Variants in ABLIM3 observed in about 807,000 individuals in gnomAD.
ABLIM3 encodes the protein actin-binding LIM protein 3.
Under a neutral mutation model 109.5 loss-of-function variants are expected in ABLIM3, and 61 were observed. That is an observed-to-expected ratio of 0.56 (90% CI 0.45 to 0.69). The LOEUF is 0.69. Ranked by LOEUF, ABLIM3 falls within the 30% of genes least tolerant of loss-of-function variation. The pLI is 0.00. For synonymous variants in ABLIM3, 300 were observed against 324.8 expected, an observed-to-expected ratio of 0.92 and a Z score of 0.82; for missense variants, 796 against 889.5, an observed-to-expected ratio of 0.89 and a Z score of 1.34.
intron 8 of ABLIM3, chr5:149,217,362 G>A: frequency 5.0e-6 from 2 of 396,458 alleles, no homozygotes; most frequent in Admixed American, 7.5e-5. Flanking sequence ...GAGCTGCACA[G>A]GCCCAAGGGG....
At position 149,258,370 on chromosome 5, in the gene ABLIM3, G is replaced by A. The variant is rs2127580548; in HGVS notation, c.2018G>A (p.Arg673Lys). 3.1e-6 allele frequency: 5 copies of A among 1,614,074 alleles called. No homozygotes were observed. The highest frequency in any genetic ancestry group is 4.2e-6 in the Non-Finnish European group (5 of 1,180,004). The change falls in exon 24 of 24, where the codon AGG becomes AAG. Residue 673 changes from arginine (R) to lysine (K), a missense_variant. By Grantham distance (26) the Arg-to-Lys change is conservative. Coordinates refer to ENST00000309868, the MANE Select transcript of ABLIM3 (RefSeq NM_014945.5). The part of the protein sequence containing the change: ...SEFDRLALWK[R>K]NELKKQARLF ...TTTGACCGGCTGGCCCTCTGGAAGA[G>A]GAATGAACTGAAGAAGCAAGCCCGG... is the stretch of plus-strand genomic sequence containing the variant.
chr5:149,183,599 T>C lies in ABLIM3; in HGVS notation c.151+10T>C. 1 of 1,524,930 alleles carries C rather than the reference T, an allele frequency of 6.6e-7. No homozygotes were observed. The highest frequency in any genetic ancestry group is 2.5e-5 in the East Asian group (1 of 40,554). The allele number at this position is 1,524,930 out of a possible 1,614,324, so 94.5% of individuals were successfully genotyped here. On this transcript the variant is annotated intron_variant, in intron 3 of 23. Transcript: ENST00000309868. ...TGCTTCACCTGTCAAGGTAGGAGGC[T>C]CAGCTCCCCCACTCTCTTCTTAGAT...
At chr5:149,255,334 A>G (rs891951715) in intron 23 of ABLIM3, among the ~76,000 whole-genome samples, 5 of 152,214 alleles carry the variant, frequency 3.3e-5, no homozygotes, top group African/African-American at 9.6e-5. Context: ...GGTGCTTGCA[A>G]TATATCAATG....
At position 149,200,176 on chromosome 5, in the gene ABLIM3, C is replaced by A. The variant is rs568763427; in HGVS notation, c.336-140C>A. Reference sequence around the variant, plus strand: ...ATTGAGCAGTTTAGTTGGCCTGTCACTGTGAACAGCATTTGAATTTGCGTG... The same window carrying A: ...ATTGAGCAGTTTAGTTGGCCTGTCAATGTGAACAGCATTTGAATTTGCGTG... On this transcript the variant is annotated intron_variant, in intron 4 of 23. Coordinates refer to ENST00000309868, the MANE Select transcript of ABLIM3 (RefSeq NM_014945.5). The A allele has an allele frequency of 7.3e-5, 52 of 710,088 alleles. No homozygotes were observed. The South Asian group carries it at 8.8e-4, about 12-fold the overall frequency. The allele number at this position is 710,088 out of a possible 1,614,324, so 44.0% of individuals were successfully genotyped here.
At chr5:149,175,266 C>A (rs1755821181) in intron 2 of ABLIM3, among the ~76,000 whole-genome samples, 1 of 152,214 alleles carries the variant, frequency 6.6e-6, no homozygotes, top group Non-Finnish European at 1.5e-5. Context: ...ACCCACCACT[C>A]TTGTGCCTTT....
intron 2 of ABLIM3, among the ~76,000 whole-genome samples, chr5:149,168,445 G>A (rs1471459474): frequency 1.3e-5 from 2 of 152,172 alleles, no homozygotes; most frequent in East Asian, 1.9e-4. Context: ...CGGAAGACAC[G>A]ACGGAGTGAG....
At chr5:149,175,993 G>GT (rs972669151) in intron 2 of ABLIM3, among the ~76,000 whole-genome samples, 1 of 152,206 alleles carries the variant, frequency 6.6e-6, no homozygotes, top group Non-Finnish European at 1.5e-5. Context: ...TGCAGCAAAG[G>GT]TTTTACAACA....
chr5:149,198,546 T>G lies in ABLIM3; in HGVS notation c.335+144T>G. On this transcript the variant is annotated intron_variant, in intron 4 of 23. Transcript: ENST00000309868. The surrounding 1 kb of genome is among the most constrained non-coding windows in gnomAD (Gnocchi z 4.2). ...CTGGAACCTCAGGTGTGGAGGGATC[T>G]GATGGGCCAGTGGTTTTCAAACACT... 1 of 942,224 alleles carries G rather than the reference T, an allele frequency of 1.1e-6. No homozygotes were observed. Among genetic ancestry groups the G allele is most frequent in the Middle Eastern group, 3.5e-4 (1 of 2,892 alleles). 58.4% of individuals were successfully genotyped at this position (942,224 alleles called of 1,614,324 possible).
At chr5:149,158,824 A>G (rs1754073004) in intron 2 of ABLIM3, among the ~76,000 whole-genome samples, 1 of 152,218 alleles carries the variant, frequency 6.6e-6, no homozygotes, top group Non-Finnish European at 1.5e-5. Context: ...CATCACATGT[A>G]CAAATGGTTA....
rs200955606 is a variant in ABLIM3, at chr5:149,239,900, G to T, written c.1204+12G>T. On this transcript the variant is annotated intron_variant, in intron 13 of 23. Transcript: ENST00000309868. ...CTACTACCGCTCTGGTAAGGAAGGG[G>T]GAGGACCTGAAGGGAGAGGAAGAGC... 25 of 1,597,116 alleles carry T rather than the reference G, an allele frequency of 1.6e-5. No individual in the cohort carries two copies. The East Asian group carries it at 5.6e-4, about 36-fold the overall frequency.
At chr5:149,209,564 C>T (rs1428498380) in intron 6 of ABLIM3, among the ~76,000 whole-genome samples, 1 of 152,190 alleles carries the variant, frequency 6.6e-6, no homozygotes, top group Admixed American at 6.5e-5. Context: ...CGCTAATTCC[C>T]CAAGAGAAGG....
At chr5:149,180,752 G>A (rs1756387724) in intron 2 of ABLIM3, among the ~76,000 whole-genome samples, 1 of 152,208 alleles carries the variant, frequency 6.6e-6, no homozygotes, top group Non-Finnish European at 1.5e-5. Flanking sequence ...CAGCAAAGCA[G>A]CATCCTTCTC....
At chr5:149,184,047 A>G (rs1246922016) in intron 3 of ABLIM3, among the ~76,000 whole-genome samples, 4 of 151,988 alleles carry the variant, frequency 2.6e-5, no homozygotes, top group Non-Finnish European at 4.4e-5. Context: ...ACAAGGGAGA[A>G]GAGACATCTT....
intron 2 of ABLIM3, among the ~76,000 whole-genome samples, chr5:149,178,895 G>A (rs151140649): frequency 2.0e-5 from 3 of 152,276 alleles, no homozygotes; most frequent in Non-Finnish European, 2.9e-5. Flanking sequence ...AGGGAATTGG[G>A]GCCAAAGAGG....
chr5:149,251,131 A>G (rs939567791), intron 20 of ABLIM3, among the ~76,000 whole-genome samples: 1 of 152,246 alleles, frequency 6.6e-6, no homozygotes, highest in African/African-American at 2.4e-5. Flanking sequence ...GAAAGAAAGC[A>G]TGAAGTGAAA....
chr5:149,159,669 T>C (rs1489905971), intron 2 of ABLIM3, among the ~76,000 whole-genome samples: 2 of 152,202 alleles, frequency 1.3e-5, no homozygotes, highest in Non-Finnish European at 2.9e-5. Flanking sequence ...AGTATCCTTA[T>C]CAGTTCTATG....
intron 7 of ABLIM3, among the ~76,000 whole-genome samples, chr5:149,213,309 G>C (rs1413653453): frequency 6.6e-6 from 1 of 152,160 alleles, no homozygotes; most frequent in South Asian, 2.1e-4. Flanking sequence ...CACAGTGAAA[G>C]CGACTCAGAA....
At chr5:149,175,312 G>A (rs1427628712) in intron 2 of ABLIM3, among the ~76,000 whole-genome samples, 1 of 152,166 alleles carries the variant, frequency 6.6e-6, no homozygotes, top group Non-Finnish European at 1.5e-5. Context: ...AGACTGGGAT[G>A]GGCAGAAAAC....
chr5:149,216,771 GA>G, intron 7 of ABLIM3, 187 bp from the exon 8 acceptor site: 1 of 589,650 alleles, frequency 1.7e-6, no homozygotes, highest in South Asian at 2.1e-5. Context: ...GGGATCCATG[GA>G]GTGAATCACG....
Sources: allele counts gnomAD v4.1 joint callset (sites outside exome capture counted in the v4.1 genomes callset), GRCh38; gene constraint gnomAD v4.1.1; non-coding constraint Gnocchi (gnomAD v3.1); transcripts MANE v1.5; gene names NCBI Gene and HGNC (gene_info 2026-07-23, HGNC 2026-07-21).